The following PTPRD variants were observed in gnomAD, a reference collection of about 807,000 sequenced individuals.
The protein encoded by PTPRD is receptor-type tyrosine-protein phosphatase delta.
In PTPRD, 34 loss-of-function variants were observed where a neutral mutation model predicts 214.5. The observed-to-expected ratio is 0.16, with a 90% CI of 0.12 to 0.21. The LOEUF (loss-of-function observed/expected upper bound fraction) is 0.21. Ranked by LOEUF, PTPRD falls within the 10% of genes least tolerant of loss-of-function variation. The pLI, the probability that PTPRD is intolerant of heterozygous loss-of-function variation, is 1.00. For synonymous variants in PTPRD, 1,128 were observed against 845.7 expected (o/e 1.33, Z -5.79); for missense variants, 2,545 against 2,398.7 (o/e 1.06, Z -1.27).
At chr9:9,125,814 T>G (rs1040756855) in intron 10 of PTPRD, among the ~76,000 whole-genome samples, 1 of 152,030 alleles carries the variant, frequency 6.6e-6, no homozygotes, top group Non-Finnish European at 1.5e-5. Flanking sequence ...AAACAACAAA[T>G]AAAGAGTATC....
intron 10 of PTPRD, among the ~76,000 whole-genome samples, chr9:9,177,110 G>T (rs1176792990): frequency 1.3e-5 from 2 of 152,234 alleles, no homozygotes; most frequent in African/African-American, 4.8e-5. Context: ...CATGGTTGGG[G>T]AGGTCTCAGG....
At chr9:8,851,012 G>A (rs10759003) in intron 11 of PTPRD, among the ~76,000 whole-genome samples, 15,898 of 152,068 alleles carry the variant, frequency 0.1, 1,086 homozygotes, top group South Asian at 0.21. Context: ...AAATTGTACT[G>A]GTGAATCTTA....
chr9:10,037,943 T>A (rs2097218369), intron 3 of PTPRD, among the ~76,000 whole-genome samples: 1 of 152,192 alleles, frequency 6.6e-6, no homozygotes, highest in African/African-American at 2.4e-5. Context: ...AGTAGTTTAA[T>A]TTCACTACCT....
At chr9:8,800,634 G>C (rs1373071526) in intron 11 of PTPRD, among the ~76,000 whole-genome samples, 2 of 152,178 alleles carry the variant, frequency 1.3e-5, no homozygotes, top group African/African-American at 4.8e-5. Context: ...TCCACCCCTT[G>C]TTTAACATTA....
intron 11 of PTPRD, among the ~76,000 whole-genome samples, chr9:8,781,530 G>C (rs1369523181): frequency 6.6e-6 from 1 of 152,020 alleles, no homozygotes; most frequent in African/African-American, 2.4e-5. Flanking sequence ...ATTAGTATAG[G>C]AAAACAGGAA....
At chr9:8,370,425 G>T (rs1337599801) in intron 39 of PTPRD, among the ~76,000 whole-genome samples, 8 of 152,038 alleles carry the variant, frequency 5.3e-5, no homozygotes, top group African/African-American at 1.7e-4. Context: ...GTATGACCTT[G>T]AACAAATCAC....
intron 2 of PTPRD, among the ~76,000 whole-genome samples, chr9:10,517,686 G>T (rs2050604784): frequency 6.6e-6 from 1 of 151,950 alleles, no homozygotes; most frequent in African/African-American, 2.4e-5. Flanking sequence ...CCTCTCATTT[G>T]TGTATAATGT....
intron 5 of PTPRD, among the ~76,000 whole-genome samples, chr9:9,846,833 A>C (rs966551319): frequency 5.9e-5 from 9 of 152,132 alleles, no homozygotes; most frequent in Admixed American, 2.0e-4. Flanking sequence ...AAAAACTGCC[A>C]AAATCAACTT....
chr9:9,217,042 G>A (rs1268405515), intron 9 of PTPRD, among the ~76,000 whole-genome samples: 1 of 152,090 alleles, frequency 6.6e-6, no homozygotes, highest in South Asian at 2.1e-4. Context: ...AAATGCCAGT[G>A]TTAACATTTT....
intron 11 of PTPRD, among the ~76,000 whole-genome samples, chr9:8,977,158 T>C (rs1457092600): frequency 6.6e-6 from 1 of 152,136 alleles, no homozygotes; most frequent in Non-Finnish European, 1.5e-5. Context: ...TTTCCTCTAT[T>C]TTCCCAGCAA....
chr9:9,343,946 T>C (rs2047819973), intron 9 of PTPRD, among the ~76,000 whole-genome samples: 2 of 152,166 alleles, frequency 1.3e-5, no homozygotes, highest in South Asian at 2.1e-4. Context: ...AACTTTCTTT[T>C]GGAAATTAAA....
intron 2 of PTPRD, among the ~76,000 whole-genome samples, chr9:10,424,197 G>A (rs2098588042): frequency 6.6e-6 from 1 of 151,926 alleles, no homozygotes; most frequent in African/African-American, 2.4e-5. Flanking sequence ...AAAATGGTAT[G>A]TGTGATACTT....
At chr9:10,482,171 A>T (rs528950913) in intron 2 of PTPRD, among the ~76,000 whole-genome samples, 17 of 152,210 alleles carry the variant, frequency 1.1e-4, no homozygotes, top group South Asian at 4.1e-4. Flanking sequence ...GGAGATTGAG[A>T]CCAGCCCGGC....
chr9:9,658,346 G>A (rs2096560667), intron 7 of PTPRD, among the ~76,000 whole-genome samples: 1 of 152,090 alleles, frequency 6.6e-6, no homozygotes, highest in Admixed American at 6.6e-5. Context: ...TGGGTTGGCT[G>A]TTTCTTTACC....
At chr9:8,804,761 T>G (rs10481625) in intron 11 of PTPRD, among the ~76,000 whole-genome samples, 1 of 151,914 alleles carries the variant, frequency 6.6e-6, no homozygotes, top group Non-Finnish European at 1.5e-5. Context: ...CCTTTTAGTG[T>G]GCTGAAGAAA....
intron 35 of PTPRD, among the ~76,000 whole-genome samples, chr9:8,413,759 T>C (rs746325539): frequency 1.1e-4 from 16 of 152,190 alleles, no homozygotes; most frequent in Non-Finnish European, 2.4e-4. Flanking sequence ...TTACATGTGA[T>C]AAAACTAGAA....
chr9:9,091,584 G>C (rs919517310), intron 10 of PTPRD, among the ~76,000 whole-genome samples: 1 of 152,100 alleles, frequency 6.6e-6, no homozygotes, highest in Non-Finnish European at 1.5e-5. Flanking sequence ...AGCCTATTCA[G>C]CACTTTGGAC....
rs1318648410 is a variant in PTPRD at position 8,341,268 on chromosome 9, G to A, written c.4948C>T (p.Arg1650Cys). ...GTGTGAGCTTTTGAGCTGGCTAGACGCTGTTGAATAGGAAAAAAAAAAAAG... is the reference window on the plus strand; with the variant it reads ...GTGTGAGCTTTTGAGCTGGCTAGACACTGTTGAATAGGAAAAAAAAAAAAG... The part of the protein sequence containing the change: ...NVTGMELEFK[R>C]LASSKAHTSR... Residue 1650 changes from arginine (R) to cysteine (C), a missense_variant and splice_region_variant, in exon 41 of 46, where the codon CGT (arginine) becomes TGT (cysteine). Arg to Cys is a radical substitution (Grantham distance 180). Coordinates refer to ENST00000381196, the MANE Select transcript of PTPRD (RefSeq NM_002839.4). 10 of 1,572,324 alleles carry A rather than the reference G, an allele frequency of 6.4e-6. No individual in the cohort carries two copies. The highest frequency in any genetic ancestry group is 4.2e-5 in the African/African-American group (3 of 71,762).
In PTPRD at chr9:10,129,499, CTTTTTTT is replaced by C. The variant is rs35281382; in HGVS notation, c.-544-95716_-544-95710del. Reference sequence around the variant, plus strand: ...TGGATTTTATTCTCTTTTTTCTTTCCTTTTTTTTTTTTTTTTTCTCACTTATCTCACT... The same window carrying C: ...TGGATTTTATTCTCTTTTTTCTTTCCTTTTTTTTTTCTCACTTATCTCACT... On this transcript the variant is annotated intron_variant, in intron 3 of 45. Transcript: ENST00000381196. 3.2e-5 allele frequency among the ~76,000 whole-genome samples: 4 copies of C among 125,824 alleles called. No homozygotes were observed. The South Asian group carries it at 7.5e-4, about 24-fold the overall frequency. The allele number at this position is 125,824 out of a possible 152,430, so 82.5% of individuals were successfully genotyped here.
Sources: gnomAD v4.1 joint callset for allele counts (sites outside exome capture counted in the v4.1 genomes callset) on GRCh38, gnomAD v4.1.1 for gene constraint, MANE v1.5 for transcripts, NCBI Gene and HGNC (gene_info 2026-07-23, HGNC 2026-07-21) for gene names.